VRK1: variants seen among roughly 807,000 people sequenced by gnomAD.
The protein encoded by VRK1 is VRK serine/threonine kinase 1, also known as serine/threonine-protein kinase VRK1.
A neutral mutation model predicts 57.1 loss-of-function variants in VRK1; 33 were observed. That is an observed-to-expected ratio of 0.58 (90% CI 0.44 to 0.77). The LOEUF is 0.77. VRK1 is among the 30% of genes least tolerant of loss of function. The pLI is 0.00. For synonymous variants in VRK1, 137 were observed against 147.8 expected (o/e 0.93, Z 0.53); for missense variants, 413 against 477.3 (o/e 0.87, Z 1.25).
Position 96,860,705 on chromosome 14 carries a change from TGGAGG to T in VRK1, c.1039_1043del (p.Gly347PhefsTer15). Reference sequence around the variant, plus strand: ...AATTGGACCTCAGTGTTGTGGAGAATGGAGGTTTGAAAGCAAAAACAATAACAAAG... The same window carrying T: ...AATTGGACCTCAGTGTTGTGGAGAATTTTGAAAGCAAAAACAATAACAAAG... On this transcript the variant is annotated frameshift_variant, in exon 11 of 13. Transcript: ENST00000216639. LOFTEE classifies it high-confidence loss of function. 6.2e-7 allele frequency: 1 copy of T among 1,613,128 alleles called. No individual in the cohort carries two copies. Among genetic ancestry groups the T allele is most frequent in the Non-Finnish European group, 8.5e-7 (1 of 1,179,412 alleles).
At chr14:96,803,211 C>G (rs2139678364) in intron 1 of VRK1, among the ~76,000 whole-genome samples, 1 of 150,194 alleles carries the variant, frequency 6.7e-6, no homozygotes, top group Non-Finnish European at 1.5e-5. Context: ...TTATCTTGTC[C>G]CCCAGGCTGG....
chr14:96,803,620 T>C (rs765706316), intron 1 of VRK1, among the ~76,000 whole-genome samples: 12 of 152,218 alleles, frequency 7.9e-5, no homozygotes, highest in Non-Finnish European at 1.6e-4. Context: ...CTCCATACTC[T>C]CCACCATTTA....
intron 10 of VRK1, among the ~76,000 whole-genome samples, chr14:96,858,393 C>G (rs1888252013): frequency 6.6e-6 from 1 of 152,128 alleles, no homozygotes; most frequent in Admixed American, 6.5e-5. Context: ...TGCCCTTGGC[C>G]CTATTATTGT....
At chr14:96,861,657 A>G (rs1369463226) in intron 11 of VRK1, among the ~76,000 whole-genome samples, 1 of 152,206 alleles carries the variant, frequency 6.6e-6, no homozygotes, top group Non-Finnish European at 1.5e-5. Context: ...CAAAGGAGAT[A>G]GGAATTTTGA....
At chr14:96,855,478 A>C in intron 8 of VRK1, 122 bp downstream of exon 8, 1 of 1,468,906 alleles carries the variant, frequency 6.8e-7, no homozygotes. Context: ...GCACAGTGGC[A>C]TGAGGAAAGA....
chr14:96,824,633 G>A (rs1853668125), intron 1 of VRK1, among the ~76,000 whole-genome samples: 1 of 151,894 alleles, frequency 6.6e-6, no homozygotes, highest in African/African-American at 2.4e-5. Context: ...AAGGATGATA[G>A]CAGAGATAGC....
At chr14:96,808,022 T>TCTCTCC (rs1566683641) in intron 1 of VRK1, among the ~76,000 whole-genome samples, 2 of 46,066 alleles carry the variant, frequency 4.3e-5, no homozygotes, top group South Asian at 6.4e-4. Context: ...TCCCTCTGTG[T>TCTCTCC]GTGTGTGTGT....
chr14:96,861,311 C>G (rs1888381539), intron 11 of VRK1, among the ~76,000 whole-genome samples: 1 of 152,092 alleles, frequency 6.6e-6, no homozygotes, highest in African/African-American at 2.4e-5. Context: ...TAAAGAACTT[C>G]TGGCATCACT....
chr14:96,836,518 CTTTTTT>C (rs10560354), intron 2 of VRK1, among the ~76,000 whole-genome samples: 3 of 89,440 alleles, frequency 3.4e-5, no homozygotes, highest in South Asian at 4.2e-4. Context: ...ACATCAGGGT[CTTTTTT>C]TTTTTTTTTT....
At chr14:96,853,204 G>A (rs1164610435) in intron 7 of VRK1, 38 bp downstream of exon 7, 5 of 1,563,752 alleles carry the variant, frequency 3.2e-6, no homozygotes, top group Non-Finnish European at 4.4e-6. Context: ...TTTAAAGCGT[G>A]TTGTTTGAAA....
chr14:96,857,805 A>C (rs1190764917), intron 10 of VRK1, among the ~76,000 whole-genome samples: 3 of 152,142 alleles, frequency 2.0e-5, no homozygotes, highest in Non-Finnish European at 4.4e-5. Flanking sequence ...CAATAAATAC[A>C]ATGTGGGTTT....
chr14:96,855,885 G>T (rs1321942610), intron 8 of VRK1, among the ~76,000 whole-genome samples: 1 of 152,018 alleles, frequency 6.6e-6, no homozygotes, highest in African/African-American at 2.4e-5. Flanking sequence ...AACAGTCTCC[G>T]CTTGAAACCC....
At chr14:96,853,707 A>C (rs530623887) in intron 7 of VRK1, among the ~76,000 whole-genome samples, 1 of 152,202 alleles carries the variant, frequency 6.6e-6, no homozygotes, top group East Asian at 1.9e-4. Flanking sequence ...GGAAAGGAGA[A>C]AAGCTAATGT....
chr14:96,881,321 T>A lies in VRK1; in HGVS notation c.*113T>A. The A allele has an allele frequency of 1.1e-6, 1 of 895,594 alleles. No homozygotes were observed. Among genetic ancestry groups the A allele is most frequent in the African/African-American group, 1.7e-5 (1 of 59,346 alleles). 55.5% of individuals were successfully genotyped at this position (895,594 alleles called of 1,614,324 possible). A position where few individuals can be genotyped will look rare whatever the true frequency, so the allele number is the denominator to read the frequency against. ...AGTCTTGCGAGGTGGAAGTAATGAT[T>A]AAATACTCATGTGTTCAGAAAACAT... On this transcript the variant is annotated 3_prime_UTR_variant, in exon 13 of 13. Transcript: ENST00000216639.
At chr14:96,861,341 A>G (rs1245303470) in intron 11 of VRK1, among the ~76,000 whole-genome samples, 1 of 152,196 alleles carries the variant, frequency 6.6e-6, no homozygotes, top group Non-Finnish European at 1.5e-5. Context: ...ACAGGTATGC[A>G]TTAACTTACT....
chr14:96,860,766 C>T lies in VRK1; in HGVS notation c.1068+31C>T, dbSNP rs981928837. The stretch of plus-strand genomic sequence containing the variant: ...TTTTGTTATTAAATTATTCTTTGGT[C>T]TTCTTGTGTTTATAATTGCAATAAA... On this transcript the variant is annotated intron_variant, in intron 11 of 12. Transcript: ENST00000216639. The T allele has an allele frequency of 3.2e-6, 5 of 1,578,018 alleles. 1 individual carries two copies. In the South Asian group the frequency reaches 5.7e-5, roughly 18 times the overall value.
chr14:96,858,101 A>T (rs1888239450), intron 10 of VRK1, among the ~76,000 whole-genome samples: 1 of 151,462 alleles, frequency 6.6e-6, no homozygotes. Context: ...ACAGGGTCTC[A>T]CTCTGTTGCC....
At chr14:96,824,802 C>T (rs1324924575) in intron 1 of VRK1, among the ~76,000 whole-genome samples, 4 of 151,770 alleles carry the variant, frequency 2.6e-5, no homozygotes, top group Admixed American at 6.6e-5. Context: ...TACAGGCATC[C>T]ACCACCACGC....
intron 10 of VRK1, 31 bp downstream of exon 10, chr14:96,856,617 G>A (rs1793051452): frequency 6.3e-7 from 1 of 1,590,600 alleles, no homozygotes; most frequent in Non-Finnish European, 8.6e-7. Context: ...TGTTAATAGG[G>A]ATTTTGTTTT....
Sources: allele counts gnomAD v4.1 joint callset (sites outside exome capture counted in the v4.1 genomes callset), GRCh38; gene constraint gnomAD v4.1.1; transcripts MANE v1.5; gene names NCBI Gene and HGNC (gene_info 2026-07-23, HGNC 2026-07-21).